Variants in NPY1R observed in about 807,000 individuals in gnomAD.
The protein encoded by NPY1R is neuropeptide Y receptor Y1, also known as neuropeptide Y receptor type 1.
A neutral mutation model predicts 24.1 loss-of-function variants in NPY1R; 10 were observed. That is an observed-to-expected ratio of 0.42 (90% CI 0.26 to 0.71). NPY1R has a LOEUF of 0.71. Ranked by LOEUF, NPY1R falls within the 30% of genes least tolerant of loss-of-function variation. NPY1R has a pLI of 0.28. For synonymous variants in NPY1R, 168 were observed against 165.9 expected, an observed-to-expected ratio of 1.01 and a Z score of -0.10; for missense variants, 350 against 458.0, an observed-to-expected ratio of 0.76 and a Z score of 2.15.
At chr4:163,334,912 C>A (rs1226341471), upstream of NPY1R, among the ~76,000 whole-genome samples, 6 of 147,234 alleles carry the variant, frequency 4.1e-5, no homozygotes, top group African/African-American at 1.5e-4. Context: ...TTATATAATT[C>A]TTTAGGAATA....
intron 1 of NPY1R, among the ~76,000 whole-genome samples, chr4:163,340,648 C>T (rs1430873198): frequency 6.6e-6 from 1 of 151,886 alleles, no homozygotes; most frequent in Non-Finnish European, 1.5e-5. Flanking sequence ...TCCAGATCTT[C>T]GATTCAAAAT....
intron 1 of NPY1R, among the ~76,000 whole-genome samples, chr4:163,341,728 A>G (rs1393525348): frequency 1.3e-5 from 2 of 152,214 alleles, no homozygotes; most frequent in Admixed American, 6.5e-5. Context: ...CATTTTATAA[A>G]TAGTGAGTAG....
chr4:163,324,980 G>C lies in NPY1R; in HGVS notation c.*323C>G. 4.6e-6 allele frequency: 1 copy of C among 219,160 alleles called. No homozygotes were observed. The highest frequency in any genetic ancestry group is 9.1e-6 in the Non-Finnish European group (1 of 109,968). The allele number at this position is 219,160 out of a possible 1,614,324, so 13.6% of individuals were successfully genotyped here. A position where few individuals can be genotyped will look rare whatever the true frequency, so the allele number is the denominator to read the frequency against. Reference sequence around the variant, plus strand: ...GTATTGGATGGCAGGTACTTCTGAAGTCAGTTAATAGTAATACTTTAAAGA... The same window carrying C: ...GTATTGGATGGCAGGTACTTCTGAACTCAGTTAATAGTAATACTTTAAAGA... On this transcript the variant is annotated 3_prime_UTR_variant, in exon 3 of 3. Transcript: ENST00000296533.
At chr4:163,333,861 A>T (rs1377965828), upstream of NPY1R, among the ~76,000 whole-genome samples, 1 of 152,250 alleles carries the variant, frequency 6.6e-6, no homozygotes, top group Non-Finnish European at 1.5e-5. Flanking sequence ...TTGGAAAGGC[A>T]TTGTAATTAA....
rs930885942 is a variant in NPY1R at position 163,328,657 on chromosome 4, C to A, written c.-151-1952G>T. Reference sequence around the variant, plus strand: ...AAGACCTCTGCATTATACCTCTTGTCCACACTTTACTCTAATAATCCCAAT... The same window carrying A: ...AAGACCTCTGCATTATACCTCTTGTACACACTTTACTCTAATAATCCCAAT... On this transcript the variant is annotated intron_variant, in intron 1 of 2. Coordinates refer to ENST00000296533, the MANE Select transcript of NPY1R (RefSeq NM_000909.6). Among the ~76,000 whole-genome samples, 3 of 152,170 alleles carry A rather than the reference C, an allele frequency of 2.0e-5. No homozygotes were observed. In the East Asian group the frequency reaches 5.8e-4, roughly 29 times the overall value.
intron 1 of NPY1R, among the ~76,000 whole-genome samples, chr4:163,342,948 C>T (rs1394072820): frequency 7.2e-6 from 1 of 139,404 alleles, no homozygotes. Context: ...TCTTTTCTCC[C>T]TTCTCTCCTT....
chr4:163,332,232 G>C (rs1475330446), intron 1 of NPY1R, among the ~76,000 whole-genome samples: 2 of 152,168 alleles, frequency 1.3e-5, no homozygotes, highest in Admixed American at 1.3e-4. Context: ...GGAGCAGGTG[G>C]TGGGAAAGCC....
At chr4:163,343,457 C>T (rs1735062147) in intron 1 of NPY1R, among the ~76,000 whole-genome samples, 2 of 152,050 alleles carry the variant, frequency 1.3e-5, no homozygotes, top group Admixed American at 1.3e-4. Context: ...AGTGTTTTGT[C>T]TTTTTTCTTT....
chr4:163,326,198 C>T lies in NPY1R; in HGVS notation c.357G>A (p.Val119=), dbSNP rs777935429. Reference sequence around the variant, plus strand: ...TGGACACAGTGATTGAAACACATTGCACAAAAGGATTCAACTTACACATCG... The same window carrying T: ...TGGACACAGTGATTGAAACACATTGTACAAAAGGATTCAACTTACACATCG... The part of the protein sequence containing the change: ...GEAMCKLNPF[V]QCVSITVSIF... The change falls in exon 2 of 3, where the codon GTG becomes GTA. Residue 119 remains valine, a synonymous_variant. Coordinates refer to ENST00000296533, the MANE Select transcript of NPY1R (RefSeq NM_000909.6). The T allele has an allele frequency of 6.2e-6, 10 of 1,614,086 alleles. No individual in the cohort carries two copies. In the South Asian group the frequency reaches 1.1e-4, roughly 18 times the overall value.
chr4:163,341,443 T>G (rs900822497), intron 1 of NPY1R, among the ~76,000 whole-genome samples: 1 of 152,164 alleles, frequency 6.6e-6, no homozygotes, highest in Non-Finnish European at 1.5e-5. Context: ...CCAAAACACT[T>G]TAGTAATTGC....
upstream of NPY1R, chr4:163,332,667 G>C (rs1209312599): frequency 6.6e-6 from 1 of 152,392 alleles, no homozygotes; most frequent in Non-Finnish European, 1.5e-5. Flanking sequence ...ACGGCGTCCC[G>C]CGAGTAGCGC....
rs117750677 is a variant in NPY1R at position 163,341,802 on chromosome 4, T to A, written c.-152+2503A>T. Reference sequence around the variant, plus strand: ...GTTCTGGTATTCCCCTTCGCTAAGATGTTACTCCATAAAATAAAAATAAAA... The same window carrying A: ...GTTCTGGTATTCCCCTTCGCTAAGAAGTTACTCCATAAAATAAAAATAAAA... On this transcript the variant is annotated intron_variant, in intron 1 of 1. Coordinates refer to the NPY1R transcript ENST00000511901. Among the ~76,000 whole-genome samples the A allele has an allele frequency of 2.8e-3, 427 of 152,334 alleles. 13 individuals are homozygous for A. In the East Asian group the frequency reaches 0.068, roughly 24 times the overall value.
At chr4:163,338,265 C>T (rs28401691) in intron 1 of NPY1R, among the ~76,000 whole-genome samples, 28,431 of 152,144 alleles carry the variant, frequency 0.19, 3,435 homozygotes, top group African/African-American at 0.32. Context: ...GCCAGCACCA[C>T]CTCAAAATCT....
At chr4:163,339,643 G>A (rs1734929262) in intron 1 of NPY1R, among the ~76,000 whole-genome samples, 1 of 152,098 alleles carries the variant, frequency 6.6e-6, no homozygotes, top group African/African-American at 2.4e-5. Flanking sequence ...AAGCCCATTT[G>A]TTCATCTCAA....
upstream of NPY1R, among the ~76,000 whole-genome samples, chr4:163,333,202 C>A (rs763501432): frequency 6.6e-6 from 1 of 151,496 alleles, no homozygotes; most frequent in Non-Finnish European, 1.5e-5. Context: ...TTGTTCCCAG[C>A]GCTTAGCTGC....
chr4:163,331,888 C>G (rs1327626138), intron 1 of NPY1R, among the ~76,000 whole-genome samples: 3 of 152,206 alleles, frequency 2.0e-5, no homozygotes, highest in East Asian at 1.9e-4. Flanking sequence ...CGATTGCAGC[C>G]GAGAAGCGCG....
chr4:163,325,287 T>TA lies in NPY1R; in HGVS notation c.*15dup, dbSNP rs780874839. 7.7e-6 allele frequency: 12 copies of TA among 1,565,982 alleles called. No homozygotes were observed. The highest frequency in any genetic ancestry group is 8.7e-6 in the Non-Finnish European group (10 of 1,146,862). On this transcript the variant is annotated 3_prime_UTR_variant, in exon 3 of 3. Transcript: ENST00000296533. The stretch of plus-strand genomic sequence containing the variant: ...TTTAAACAGATGTCATCCGGGACCA[T>TA]AGGCTATAAGTAGTTTCAGATTTTT...
chr4:163,327,506 A>G (rs1734635093), intron 1 of NPY1R, among the ~76,000 whole-genome samples: 2 of 152,180 alleles, frequency 1.3e-5, no homozygotes, highest in South Asian at 4.1e-4. Context: ...CAAATCTAGC[A>G]AGTGTTCCAT....
At chr4:163,327,464 C>T (rs60470521) in intron 1 of NPY1R, among the ~76,000 whole-genome samples, 758 of 152,148 alleles carry the variant, frequency 5.0e-3, no homozygotes, top group Middle Eastern at 0.017. Flanking sequence ...TTGTGAGGAA[C>T]AAAAGTTTAG....
Sources: gnomAD v4.1 joint callset for allele counts (sites outside exome capture counted in the v4.1 genomes callset) on GRCh38, gnomAD v4.1.1 for gene constraint, MANE v1.5 for transcripts, NCBI Gene and HGNC (gene_info 2026-07-23, HGNC 2026-07-21) for gene names.